Variants in CCDC178 observed in about 807,000 individuals in gnomAD.
CCDC178 encodes coiled-coil domain-containing protein 178.
In CCDC178, 126 loss-of-function variants were observed where a neutral mutation model predicts 117.4. The ratio of observed to expected loss-of-function variants is 1.07; its 90% CI spans 0.93 to 1.24. CCDC178 has a LOEUF of 1.24. Ranked by LOEUF, CCDC178 falls within the 50% of genes most tolerant of loss-of-function variation. The probability of loss-of-function intolerance (pLI) is 0.00; values close to 1 mark genes in which losing one functional copy is unlikely to be tolerated. For synonymous variants in CCDC178, 283 were observed against 313.4 expected, an observed-to-expected ratio of 0.90 and a Z score of 1.02; for missense variants, 1,030 against 986.9, an observed-to-expected ratio of 1.04 and a Z score of -0.59.
At chr18:32,950,610 A>G (rs150220982) in intron 22 of CCDC178, among the ~76,000 whole-genome samples, 126 of 152,270 alleles carry the variant, frequency 8.3e-4, no homozygotes, top group Admixed American at 4.6e-4. Flanking sequence ...AAGAGTTTCC[A>G]ACAGTTACAG....
At chr18:33,129,870 C>A (rs1474182794) in intron 20 of CCDC178, among the ~76,000 whole-genome samples, 1 of 151,748 alleles carries the variant, frequency 6.6e-6, no homozygotes. Flanking sequence ...TTGTTTTATT[C>A]TTTACTTTGC....
chr18:33,007,717 T>C (rs1476829752), intron 21 of CCDC178, among the ~76,000 whole-genome samples: 1 of 152,168 alleles, frequency 6.6e-6, no homozygotes, highest in Non-Finnish European at 1.5e-5. Context: ...GTGGCTATTA[T>C]ATTCCTATTC....
intron 20 of CCDC178, among the ~76,000 whole-genome samples, chr18:33,170,283 A>T (rs1315710357): frequency 6.6e-6 from 1 of 152,168 alleles, no homozygotes; most frequent in Non-Finnish European, 1.5e-5. Flanking sequence ...GGCTAACAAG[A>T]AAGACTGTGA....
intron 9 of CCDC178, among the ~76,000 whole-genome samples, chr18:33,337,561 G>A (rs552263206): frequency 3.3e-5 from 5 of 151,946 alleles, no homozygotes; most frequent in Non-Finnish European, 4.4e-5. Flanking sequence ...TATAAAAATG[G>A]GCACGTAGAC....
chr18:33,053,403 G>A (rs917783586), intron 21 of CCDC178, among the ~76,000 whole-genome samples: 2 of 152,028 alleles, frequency 1.3e-5, no homozygotes, highest in African/African-American at 4.8e-5. Flanking sequence ...CATACTCAGA[G>A]GAAAAAAACG....
At chr18:33,297,959 G>A (rs575034874) in intron 11 of CCDC178, among the ~76,000 whole-genome samples, 90 of 151,858 alleles carry the variant, frequency 5.9e-4, no homozygotes, top group Middle Eastern at 6.8e-3. Flanking sequence ...GGAGAATGGC[G>A]TGAACCTGGG....
At position 33,398,174 on chromosome 18, in the gene CCDC178, A is replaced by G. The variant is rs28607572; in HGVS notation, c.59-966T>C. Among the ~76,000 whole-genome samples the G allele has an allele frequency of 4.1e-3, 617 of 152,206 alleles. 5 individuals carry two copies. The highest frequency in any genetic ancestry group is 0.014 in the African/African-American group (572 of 41,572). ...CTTTAAATATCTGAATATGTCTAAT[A>G]TTCTAAGGATATATTTCAAAGACTG... On this transcript the variant is annotated intron_variant, in intron 3 of 22. Transcript: ENST00000383096.
chr18:33,430,390 T>C lies in CCDC178; in HGVS notation c.-23+9572A>G, dbSNP rs114363415. ...TGGTAGAAATAACAATATGTGTTCATTGCACAATTTCCTCTTTCTCAGAAA... is the reference window on the plus strand; with the variant it reads ...TGGTAGAAATAACAATATGTGTTCACTGCACAATTTCCTCTTTCTCAGAAA... On this transcript the variant is annotated intron_variant, in intron 2 of 22. Transcript: ENST00000383096. Among the ~76,000 whole-genome samples, 1,242 of 152,340 alleles carry C rather than the reference T, an allele frequency of 8.2e-3. 14 individuals carry two copies. The highest frequency in any genetic ancestry group is 0.029 in the African/African-American group (1,189 of 41,580).
chr18:33,399,921 T>C (rs2063688342), intron 3 of CCDC178, among the ~76,000 whole-genome samples: 1 of 152,174 alleles, frequency 6.6e-6, no homozygotes, highest in Non-Finnish European at 1.5e-5. Flanking sequence ...ATGGTAGCTA[T>C]AGCTTTATGA....
chr18:33,275,854 A>G (rs1435297985), intron 12 of CCDC178, among the ~76,000 whole-genome samples: 1 of 151,692 alleles, frequency 6.6e-6, no homozygotes, highest in Non-Finnish European at 1.5e-5. Context: ...CTGTGCCCTG[A>G]TTGATATTAT....
rs1022003331 is a variant in CCDC178 at position 33,057,608 on chromosome 18, C to G, written c.2388+35153G>C. On this transcript the variant is annotated intron_variant, in intron 21 of 22. Transcript: ENST00000383096. ...CTGGGTTCAAGTGGTTCTTCTGTCT[C>G]AGCCTCCTGAGTAGATGGGATTACA... Among the ~76,000 whole-genome samples the G allele has an allele frequency of 1.1e-4, 16 of 152,142 alleles. 1 individual carries two copies. The highest frequency in any genetic ancestry group is 1.0e-3 in the Admixed American group (16 of 15,270).
chr18:32,997,142 C>A (rs909429670), intron 21 of CCDC178, among the ~76,000 whole-genome samples: 4 of 152,030 alleles, frequency 2.6e-5, no homozygotes, highest in African/African-American at 9.7e-5. Flanking sequence ...GATTAAATAA[C>A]CCTAGTACTA....
intron 21 of CCDC178, among the ~76,000 whole-genome samples, chr18:33,045,778 A>T (rs999241710): frequency 1.3e-5 from 2 of 152,172 alleles, no homozygotes; most frequent in Admixed American, 6.6e-5. Context: ...AAGTCTTACA[A>T]TACTTAGGCT....
intron 5 of CCDC178, among the ~76,000 whole-genome samples, chr18:33,381,841 A>G (rs1432236626): frequency 6.6e-6 from 1 of 151,718 alleles, no homozygotes; most frequent in Non-Finnish European, 1.5e-5. Flanking sequence ...ATACATTTAT[A>G]TTCTATTTTT....
At chr18:33,143,678 T>C (rs1231199409) in intron 20 of CCDC178, among the ~76,000 whole-genome samples, 1 of 152,132 alleles carries the variant, frequency 6.6e-6, no homozygotes, top group African/African-American at 2.4e-5. Flanking sequence ...TATCAGTATA[T>C]TACAAAACCA....
Position 32,983,445 on chromosome 18 carries a change from T to C in CCDC178, c.2389-8764A>G, listed in dbSNP as rs1212647420. ...AACACAGTCAAACAAATAGTACAAC[T>C]GTAGAAGCAGCTCTAAGATTTATTC... On this transcript the variant is annotated intron_variant, in intron 21 of 22. Transcript: ENST00000383096. The C allele has an allele frequency of 8.5e-6, 6 of 702,318 alleles. No individual in the cohort carries two copies. In the East Asian group the frequency reaches 1.6e-4, roughly 19 times the overall value. 43.5% of individuals were successfully genotyped at this position (702,318 alleles called of 1,614,324 possible).
intron 20 of CCDC178, among the ~76,000 whole-genome samples, chr18:33,160,863 A>C (rs1185583138): frequency 6.6e-6 from 1 of 152,116 alleles, no homozygotes. Flanking sequence ...TATGCTTTCT[A>C]AATACCCATC....
intron 20 of CCDC178, among the ~76,000 whole-genome samples, chr18:33,192,934 C>A (rs1407160303): frequency 1.4e-5 from 2 of 146,668 alleles, no homozygotes; most frequent in African/African-American, 5.0e-5. Flanking sequence ...AGAAAAAATT[C>A]TCTCTAAGAC....
chr18:33,301,604 A>G (rs1304002512), intron 11 of CCDC178, among the ~76,000 whole-genome samples: 4 of 152,222 alleles, frequency 2.6e-5, no homozygotes, highest in Non-Finnish European at 5.9e-5. Context: ...GACCCCTTCC[A>G]GTGTGTGCTC....
Sources: allele counts gnomAD v4.1 joint callset (sites outside exome capture counted in the v4.1 genomes callset), GRCh38; gene constraint gnomAD v4.1.1; transcripts MANE v1.5; gene names NCBI Gene and HGNC (gene_info 2026-07-23, HGNC 2026-07-21).